The following SPEN variants were observed in gnomAD, a reference collection of about 807,000 sequenced individuals.
SPEN encodes msx2-interacting protein.
Under a neutral mutation model 269.9 loss-of-function variants are expected in SPEN, and 18 were observed. The ratio of observed to expected loss-of-function variants is 0.07; its 90% confidence interval spans 0.05 to 0.10. SPEN has a LOEUF of 0.10. SPEN is among the 10% of genes least tolerant of loss of function. The pLI, the probability that SPEN is intolerant of heterozygous loss-of-function variation, is 1.00. For missense variants in SPEN, 3,822 were observed against 4,631.2 expected (o/e 0.83, Z 5.07); for synonymous variants, 1,726 against 1,765.7 (o/e 0.98, Z 0.56).
Position 15,930,363 on chromosome 1 carries a change from C to A in SPEN, c.4123C>A (p.Pro1375Thr), listed in dbSNP as rs2071209336. Residue 1375 changes from proline (P) to threonine (T), a missense_variant, in exon 11 of 15, where the codon CCT becomes ACT. Physicochemically the swap from Pro to Thr is conservative, Grantham distance 38 (BLOSUM62 -1). This residue lies in a region of SPEN where 267 missense variants were observed against 315.5 expected (regional missense o/e 0.85). Coordinates refer to ENST00000375759, the MANE Select transcript of SPEN (RefSeq NM_015001.3). This position sits in a 1 kb window ranked among gnomAD's most constrained non-coding sequence, Gnocchi z 5.3. Reference sequence around the variant, plus strand: ...AAAAAGGTCTGTACGAGATCTGGAACCTGGTGAGGTGCCTTCTGATTCTGA... The same window carrying A: ...AAAAAGGTCTGTACGAGATCTGGAAACTGGTGAGGTGCCTTCTGATTCTGA... ...LRKRSVRDLE[P>T]GEVPSDSDED... is the part of the protein sequence containing the mutation. 1.2e-6 allele frequency: 2 copies of A among 1,613,298 alleles called. No individual in the cohort carries two copies. The highest frequency in any genetic ancestry group is 1.3e-5 in the African/African-American group (1 of 74,898).
chr1:15,935,913 G>A lies in SPEN; in HGVS notation c.9673G>A (p.Ala3225Thr). 1 of 1,612,704 alleles carries A rather than the reference G, an allele frequency of 6.2e-7. No individual in the cohort carries two copies. Among genetic ancestry groups the A allele is most frequent in the Non-Finnish European group, 8.5e-7 (1 of 1,179,878 alleles). ...GVVKVPPASK[A>T]PQQPGKEAAK... Reference sequence around the variant, plus strand: ...GGTGAAGGTGCCACCAGCCAGCAAGGCCCCTCAGCAGCCAGGGAAGGAAGC... The same window carrying A: ...GGTGAAGGTGCCACCAGCCAGCAAGACCCCTCAGCAGCCAGGGAAGGAAGC... The change falls in exon 11 of 15, where the codon GCC (alanine) becomes ACC (threonine). Residue 3225 changes from alanine (A) to threonine (T), a missense_variant. This residue lies in a region of SPEN where 359 missense variants were observed against 377.3 expected (regional missense o/e 0.95). Transcript: ENST00000375759. The surrounding 1 kb of genome is among the most constrained non-coding windows in gnomAD (Gnocchi z 7.7).
intron 3 of SPEN, among the ~76,000 whole-genome samples, chr1:15,904,452 C>CAAAAAAAAAAAAAAAAAAAAA (rs1215369183): frequency 1.1e-3 from 54 of 48,610 alleles, no homozygotes; most frequent in Non-Finnish European, 1.4e-3. Flanking sequence ...AACTCCATCT[C>CAAAAAAAAAAAAAAAAAAAAA]AAAAAAAAAA....
intron 1 of SPEN, among the ~76,000 whole-genome samples, chr1:15,860,210 G>A (rs540026457): frequency 4.6e-5 from 7 of 151,680 alleles, no homozygotes; most frequent in African/African-American, 1.2e-4. Context: ...CGTGCCTGGC[G>A]TAGTTAACAT....
In SPEN at chr1:15,912,402, G is replaced by T. The variant is rs150341488; in HGVS notation, c.1243+1101G>T. ...TAAAAATTTATAGTCACTTTATGAA[G>T]CTGAGACACTTGAACTTTAAGACTT... On this transcript the variant is annotated intron_variant, in intron 5 of 14. Coordinates refer to ENST00000375759, the MANE Select transcript of SPEN (RefSeq NM_015001.3). Among the ~76,000 whole-genome samples the T allele has an allele frequency of 2.0e-3, 297 of 152,290 alleles. 5 individuals carry two copies. In the Middle Eastern group the frequency reaches 0.044, roughly 23 times the overall value.
At chr1:15,921,185 C>T (rs1413624585) in intron 9 of SPEN, among the ~76,000 whole-genome samples, 1 of 152,112 alleles carries the variant, frequency 6.6e-6, no homozygotes, top group Non-Finnish European at 1.5e-5. Flanking sequence ...AAAAATTAGC[C>T]GGGCTTGGTG....
chr1:15,860,442 A>AGTGTGT (rs71574142), intron 1 of SPEN, among the ~76,000 whole-genome samples: 3,891 of 120,030 alleles, frequency 0.032, 144 homozygotes, highest in African/African-American at 0.083. Flanking sequence ...GTCCCACTGT[A>AGTGTGT]GTGTGTGTGT....
At chr1:15,921,220 C>T (rs1246850595) in intron 9 of SPEN, among the ~76,000 whole-genome samples, 1 of 152,156 alleles carries the variant, frequency 6.6e-6, no homozygotes, top group Non-Finnish European at 1.5e-5. Flanking sequence ...ATCCCAGCTA[C>T]TTGGGAGGCT....
intron 3 of SPEN, among the ~76,000 whole-genome samples, chr1:15,896,565 ATTAC>A (rs1409523993): frequency 2.0e-5 from 3 of 152,234 alleles, no homozygotes; most frequent in Middle Eastern, 6.8e-3. Context: ...TGATTAATTT[ATTAC>A]TTAAGTGGAG....
Position 15,876,087 on chromosome 1 carries a change from T to G in SPEN, c.405-115T>G, listed in dbSNP as rs1305375287. 3.9e-6 allele frequency: 3 copies of G among 768,338 alleles called. No individual in the cohort carries two copies. The African/African-American group carries it at 5.2e-5, about 13-fold the overall frequency. 47.6% of individuals were successfully genotyped at this position (768,338 alleles called of 1,614,324 possible). A position where few individuals can be genotyped will look rare whatever the true frequency, so the allele number is the denominator to read the frequency against. Reference sequence around the variant, plus strand: ...GCTTATTAAGTAGGTTAATGCTGTTTAGAAAATGACCAGTTGCAAAGACAA... The same window carrying G: ...GCTTATTAAGTAGGTTAATGCTGTTGAGAAAATGACCAGTTGCAAAGACAA... On this transcript the variant is annotated intron_variant, in intron 2 of 14. Coordinates refer to ENST00000375759, the MANE Select transcript of SPEN (RefSeq NM_015001.3).
At position 15,939,503 on chromosome 1, in the gene SPEN, G is replaced by C; in HGVS notation, c.*76G>C. ...AAACAAAGGACAACCCAGCCAAGCA[G>C]AGGAAGAAGCTGCCGAAGGGGACAG... On this transcript the variant is annotated 3_prime_UTR_variant, in exon 15 of 15. Transcript: ENST00000375759. This position sits in a 1 kb window ranked among gnomAD's most constrained non-coding sequence, Gnocchi z 4.1. The C allele has an allele frequency of 6.9e-7, 1 of 1,452,906 alleles. No homozygotes were observed. Among genetic ancestry groups the C allele is most frequent in the South Asian group, 1.5e-5 (1 of 67,070 alleles). 90.0% of individuals were successfully genotyped at this position (1,452,906 alleles called of 1,614,324 possible).
In SPEN at chr1:15,938,836, C is replaced by T. The variant is rs889756630; in HGVS notation, c.10823C>T (p.Ala3608Val). The T allele has an allele frequency of 3.1e-6, 5 of 1,614,044 alleles. No homozygotes were observed. The highest frequency in any genetic ancestry group is 1.1e-5 in the South Asian group (1 of 91,080). The change falls in exon 14 of 15, where the codon GCG becomes GTG. Residue 3608 changes from alanine (A) to valine (V), a missense_variant. Physicochemically the swap from Ala to Val is moderately conservative, Grantham distance 64 (BLOSUM62 0). Transcript: ENST00000375759. ...ATCACTTACCTGCAGGCCAAGCAGG[C>T]GGCAGGGATCATCAACGTTCCCAAC... ...AFITYLQAKQ[A>V]AGIINVPNPG...
At chr1:15,904,942 G>A (rs1314037277) in intron 3 of SPEN, among the ~76,000 whole-genome samples, 2 of 149,560 alleles carry the variant, frequency 1.3e-5, no homozygotes, top group Non-Finnish European at 1.5e-5. Flanking sequence ...AGGCTGGAGT[G>A]CAATGGCGCA....
At position 15,929,279 on chromosome 1, in the gene SPEN, C is replaced by T. The variant is rs983336379; in HGVS notation, c.3039C>T (p.Arg1013=). 1.2e-5 allele frequency: 19 copies of T among 1,614,022 alleles called. No homozygotes were observed. Among genetic ancestry groups the T allele is most frequent in the East Asian group, 2.2e-5 (1 of 44,900 alleles). Reference sequence around the variant, plus strand: ...GCAGTCCAGAGATGGAGGATGCTCGCGTGCTTTCAAAAAAGCAGCCTGACG... The same window carrying T: ...GCAGTCCAGAGATGGAGGATGCTCGTGTGCTTTCAAAAAAGCAGCCTGACG... ...KKSSPEMEDA[R]VLSKKQPDVS... is the part of the protein sequence containing the mutation. The change falls in exon 11 of 15, where the codon CGC becomes CGT. Residue 1013 remains arginine, a synonymous_variant. Coordinates refer to ENST00000375759, the MANE Select transcript of SPEN (RefSeq NM_015001.3). The surrounding 1 kb of genome is among the most constrained non-coding windows in gnomAD (Gnocchi z 5.8).
chr1:15,866,544 G>A (rs1207363765), intron 1 of SPEN, among the ~76,000 whole-genome samples: 22 of 152,002 alleles, frequency 1.4e-4, no homozygotes, highest in Admixed American at 2.0e-4. Context: ...TAGTAGAGAC[G>A]GGGTTTCACT....
At position 15,861,770 on chromosome 1, in the gene SPEN, G is replaced by A. The variant is rs953022091; in HGVS notation, c.84-11046G>A. Among the ~76,000 whole-genome samples, 9 of 152,134 alleles carry A rather than the reference G, an allele frequency of 5.9e-5. No homozygotes were observed. In the South Asian group the frequency reaches 6.2e-4, roughly 11 times the overall value. ...GAAATAACAGGACTGGGCCGGGTGC[G>A]GTGGCTCACTCCTGTAATCCCAGCA... On this transcript the variant is annotated intron_variant, in intron 1 of 14. Transcript: ENST00000375759.
chr1:15,895,165 G>T (rs1055920009), intron 3 of SPEN, among the ~76,000 whole-genome samples: 30 of 151,988 alleles, frequency 2.0e-4, no homozygotes, highest in Non-Finnish European at 3.7e-4. Context: ...CAGGTGATCC[G>T]CCCGCCTCGG....
At chr1:15,852,796 T>C (rs1170651347) in intron 1 of SPEN, among the ~76,000 whole-genome samples, 1 of 152,220 alleles carries the variant, frequency 6.6e-6, no homozygotes, top group Non-Finnish European at 1.5e-5. Flanking sequence ...GTTTGAAATT[T>C]TACTGAAATT....
At chr1:15,885,595 A>C (rs2070729896) in intron 3 of SPEN, among the ~76,000 whole-genome samples, 1 of 152,172 alleles carries the variant, frequency 6.6e-6, no homozygotes, top group South Asian at 2.1e-4. Flanking sequence ...ACCTACTTGG[A>C]AGGGTTAGGG....
Position 15,939,856 on chromosome 1 carries a change from C to T in SPEN, c.*429C>T, listed in dbSNP as rs2071321933. ...CTCTGGATGTCTTGGTGTGTGTAGA[C>T]ACACATTGCAGACTCTTAACGCAGG... is the stretch of plus-strand genomic sequence containing the variant. On this transcript the variant is annotated 3_prime_UTR_variant, in exon 15 of 15. Transcript: ENST00000375759. This position sits in a 1 kb window ranked among gnomAD's most constrained non-coding sequence, Gnocchi z 4.1. 4.3e-6 allele frequency: 1 copy of T among 234,302 alleles called. No homozygotes were observed. The allele number at this position is 234,302 out of a possible 1,614,324, so 14.5% of individuals were successfully genotyped here. A position where few individuals can be genotyped will look rare whatever the true frequency, so the allele number is the denominator to read the frequency against.
Sources: gnomAD v4.1 joint callset for allele counts (sites outside exome capture counted in the v4.1 genomes callset) on GRCh38, gnomAD v4.1.1 for gene constraint, gnomAD v4.1.1 regional missense constraint, Gnocchi (gnomAD v3.1) non-coding constraint, MANE v1.5 for transcripts, NCBI Gene and HGNC (gene_info 2026-07-23, HGNC 2026-07-21) for gene names.